Variants in DAB2IP observed in about 807,000 individuals in gnomAD.
DAB2IP encodes DAB2 interacting protein, also known as disabled homolog 2-interacting protein.
DAB2IP carries 28 observed loss-of-function variants against 107.2 expected under a neutral mutation model. The observed-to-expected ratio is 0.26, with a 90% CI of 0.19 to 0.36. The LOEUF (loss-of-function observed/expected upper bound fraction) is 0.36. Ranked by LOEUF, DAB2IP falls within the 10% of genes least tolerant of loss-of-function variation. DAB2IP has a pLI of 1.00. For missense variants in DAB2IP, 1,400 were observed against 1,644.7 expected (o/e 0.85, Z 2.57); for synonymous variants, 755 against 706.4 (o/e 1.07, Z -1.09).
At chr9:121,726,137 T>C (rs1454672166) in intron 3 of DAB2IP, among the ~76,000 whole-genome samples, 1 of 152,250 alleles carries the variant, frequency 6.6e-6, no homozygotes, top group Non-Finnish European at 1.5e-5. Context: ...GTTAGAACTT[T>C]CAGCCCACCC....
In DAB2IP at chr9:121,684,540, A is replaced by G. The variant is rs1426340459; in HGVS notation, c.228+5759A>G. Among the ~76,000 whole-genome samples, 1 of 152,154 alleles carries G rather than the reference A, an allele frequency of 6.6e-6. No individual in the cohort carries two copies. Among genetic ancestry groups the G allele is most frequent in the Admixed American group, 6.5e-5 (1 of 15,278 alleles). On this transcript the variant is annotated intron_variant, in intron 2 of 15. Coordinates refer to ENST00000408936, the Ensembl canonical transcript of DAB2IP. The surrounding 1 kb of genome is among the most constrained non-coding windows in gnomAD (Gnocchi z 4.0). ...ACAGCTCCTTCCCGCTCATCTGCACACTGCCCCCTCCTGGCCACCAGGCCC... is the reference window on the plus strand; with the variant it reads ...ACAGCTCCTTCCCGCTCATCTGCACGCTGCCCCCTCCTGGCCACCAGGCCC...
intron 1 of DAB2IP, among the ~76,000 whole-genome samples, chr9:121,675,259 G>A (rs1833851048): frequency 6.6e-6 from 1 of 152,186 alleles, no homozygotes; most frequent in South Asian, 2.1e-4. Flanking sequence ...GCCATTCCAG[G>A]GAAGAGAATT....
chr9:121,654,886 C>T (rs1254620569), intron 1 of DAB2IP, among the ~76,000 whole-genome samples: 1 of 152,206 alleles, frequency 6.6e-6, no homozygotes, highest in African/African-American at 2.4e-5. Flanking sequence ...AGAACTCAGG[C>T]TGTGTATTTG....
At position 121,702,913 on chromosome 9, in the gene DAB2IP, C is replaced by CT. The variant is rs1353037035; in HGVS notation, c.362+3456dup. Among the ~76,000 whole-genome samples the CT allele has an allele frequency of 1.3e-5, 2 of 152,196 alleles. No homozygotes were observed. Among genetic ancestry groups the CT allele is most frequent in the Non-Finnish European group, 1.5e-5 (1 of 68,028 alleles). On this transcript the variant is annotated intron_variant, in intron 3 of 15. Coordinates refer to ENST00000408936, the Ensembl canonical transcript of DAB2IP. The surrounding 1 kb of genome is among the most constrained non-coding windows in gnomAD (Gnocchi z 4.5). ...GTCTAAACTTACCACAGTAGTTACT[C>CT]TAAAGTGTCTGTACCCCCATCAAGC... is the stretch of plus-strand genomic sequence containing the variant.
intron 1 of DAB2IP, among the ~76,000 whole-genome samples, chr9:121,628,560 T>C (rs1030218142): frequency 4.6e-5 from 7 of 152,186 alleles, no homozygotes; most frequent in Non-Finnish European, 8.8e-5. Context: ...ACTGGAAGAC[T>C]TTTGAATCTG....
chr9:121,664,730 G>A (rs1392148637), intron 1 of DAB2IP, among the ~76,000 whole-genome samples: 3 of 152,216 alleles, frequency 2.0e-5, no homozygotes, highest in African/African-American at 7.2e-5. Flanking sequence ...CTGGGTCAGA[G>A]ACAAAGGACT....
At chr9:121,601,706 T>C (rs1424500391) in intron 1 of DAB2IP, among the ~76,000 whole-genome samples, 1 of 152,166 alleles carries the variant, frequency 6.6e-6, no homozygotes, top group East Asian at 1.9e-4. Flanking sequence ...AACAAACCCA[T>C]GAGGTTGATT....
intron 1 of DAB2IP, among the ~76,000 whole-genome samples, chr9:121,641,992 C>CT (rs1346700067): frequency 2.8e-3 from 82 of 29,238 alleles, no homozygotes; most frequent in Middle Eastern, 0.014. Context: ...TTCTTTCTTT[C>CT]CTTTCTCTCT....
rs115933331 is a variant in DAB2IP, at chr9:121,627,353, C to A, written c.41-51325C>A. Among the ~76,000 whole-genome samples, 615 of 151,478 alleles carry A rather than the reference C, an allele frequency of 4.1e-3. 6 individuals are homozygous for A. Among genetic ancestry groups the A allele is most frequent in the African/African-American group, 0.014 (577 of 41,122 alleles). On this transcript the variant is annotated intron_variant, in intron 1 of 16. Transcript: ENST00000259371. ...ATTCAACCAGGCCCCCTGTGATGGA[C>A]ACAGACGTTGTTTACAGTTTTGGTG...
At chr9:121,746,660 A>AG (rs1386802018) in intron 3 of DAB2IP, among the ~76,000 whole-genome samples, 8 of 152,078 alleles carry the variant, frequency 5.3e-5, no homozygotes, top group South Asian at 2.1e-4. Flanking sequence ...CCCGCATTCT[A>AG]GGGGGGGCCC....
rs569345753 is a variant in DAB2IP at position 121,725,548 on chromosome 9, C to T, written c.362+26090C>T. Among the ~76,000 whole-genome samples, 26 of 152,330 alleles carry T rather than the reference C, an allele frequency of 1.7e-4. No individual in the cohort carries two copies. The East Asian group carries it at 4.8e-3, about 28-fold the overall frequency. ...GTGGGCAGGGGGTAGGGGACAGTCA[C>T]GCCAATCTCTGCCCTCAAGGGCTCC... On this transcript the variant is annotated intron_variant, in intron 3 of 15. Coordinates refer to ENST00000408936, the Ensembl canonical transcript of DAB2IP.
intron 14 of DAB2IP, among the ~76,000 whole-genome samples, chr9:121,779,646 G>A (rs373180821): frequency 6.6e-6 from 1 of 152,168 alleles, no homozygotes. Flanking sequence ...TTCCTTCCCC[G>A]GGTCCTCTGT....
upstream of DAB2IP, among the ~76,000 whole-genome samples, chr9:121,648,029 C>T (rs908728168): frequency 6.6e-6 from 1 of 151,974 alleles, no homozygotes; most frequent in Non-Finnish European, 1.5e-5. Context: ...TATATTCTCA[C>T]TCATAAGTGG....
intron 3 of DAB2IP, among the ~76,000 whole-genome samples, chr9:121,729,901 C>T (rs1831429818): frequency 6.6e-6 from 1 of 152,172 alleles, no homozygotes; most frequent in African/African-American, 2.4e-5. Flanking sequence ...CTTCAGTTCA[C>T]CTCAGACTCC....
At chr9:121,591,402 G>A (rs1217600861) in intron 1 of DAB2IP, among the ~76,000 whole-genome samples, 1 of 152,200 alleles carries the variant, frequency 6.6e-6, no homozygotes, top group Non-Finnish European at 1.5e-5. Context: ...CCAGGAGGTG[G>A]AGGTTGCAAT....
rs970969821 is a variant in DAB2IP at position 121,608,980 on chromosome 9, C to T, written c.40+41752C>T. On this transcript the variant is annotated intron_variant, in intron 1 of 16. Transcript: ENST00000259371. The stretch of plus-strand genomic sequence containing the variant: ...TTTTTGAGACAGCGTCTCGCTCTGT[C>T]GCCCAGGCTAGAGTGCAGTGGCGCA... Among the ~76,000 whole-genome samples the T allele has an allele frequency of 6.6e-5, 10 of 152,172 alleles. No homozygotes were observed. In the East Asian group the frequency reaches 1.3e-3, roughly 20 times the overall value.
At chr9:121,590,599 G>A (rs1028044590) in intron 1 of DAB2IP, among the ~76,000 whole-genome samples, 24 of 152,128 alleles carry the variant, frequency 1.6e-4, no homozygotes, top group Non-Finnish European at 2.4e-4. Flanking sequence ...TTCAGAGGCG[G>A]TCGTAAGAAT....
intron 3 of DAB2IP, among the ~76,000 whole-genome samples, chr9:121,715,264 C>T (rs1830537845): frequency 6.6e-6 from 1 of 152,134 alleles, no homozygotes; most frequent in South Asian, 2.1e-4. Context: ...TCAACAGCCA[C>T]AGCCAGGCCT....
Position 121,772,551 on chromosome 9 carries a change from G to GCACT in DAB2IP, c.2079-52_2079-49dup, listed in dbSNP as rs1439702191. On this transcript the variant is annotated intron_variant, in intron 11 of 15. Transcript: ENST00000408936. The surrounding 1 kb of genome is among the most constrained non-coding windows in gnomAD (Gnocchi z 4.7). ...CTGTCGGTTTGGACCCGCCTTGGCT[G>GCACT]CACTCACAGTTCTTCTTTTCCCCTT... 1.6e-5 allele frequency: 25 copies of GCACT among 1,555,572 alleles called. No homozygotes were observed. The African/African-American group carries it at 3.4e-4, about 21-fold the overall frequency.
Sources: gnomAD v4.1 joint callset for allele counts (sites outside exome capture counted in the v4.1 genomes callset) on GRCh38, gnomAD v4.1.1 for gene constraint, Gnocchi (gnomAD v3.1) non-coding constraint, MANE v1.5 for transcripts, NCBI Gene and HGNC (gene_info 2026-07-23, HGNC 2026-07-21) for gene names.